KCNK5: variants seen among roughly 807,000 people sequenced by gnomAD.
The protein encoded by KCNK5 is potassium two pore domain channel subfamily K member 5, also known as potassium channel subfamily K member 5.
KCNK5 carries 18 observed loss-of-function variants against 32.9 expected under a neutral mutation model. That is an observed-to-expected ratio of 0.55 (90% CI 0.38 to 0.81). The LOEUF (loss-of-function observed/expected upper bound fraction) is 0.81, where lower values mean the gene tolerates loss of function less well. Ranked by LOEUF, KCNK5 falls within the 30% of genes least tolerant of loss-of-function variation. The pLI is 0.00. For missense variants in KCNK5, 507 were observed against 651.0 expected, an observed-to-expected ratio of 0.78 and a Z score of 2.41; for synonymous variants, 276 against 275.3, an observed-to-expected ratio of 1.00 and a Z score of -0.03.
In KCNK5 at chr6:39,228,932, G is replaced by GAT; in HGVS notation, c.178_179dup (p.Leu61SerfsTer2). 6.2e-7 allele frequency: 1 copy of GAT among 1,614,098 alleles called. No homozygotes were observed. The highest frequency in any genetic ancestry group is 8.5e-7 in the Non-Finnish European group (1 of 1,179,996). On this transcript the variant is annotated frameshift_variant, in exon 1 of 5. Coordinates refer to ENST00000359534, the MANE Select transcript of KCNK5 (RefSeq NM_003740.4). LOFTEE classifies it high-confidence loss of function. ...GGTACAGGCGGCGACTGACCTCTAG[G>GAT]ATCTTGTCCAGGCCCTCCTGACCCA...
chr6:39,208,007 A>C (rs558008435), intron 1 of KCNK5, among the ~76,000 whole-genome samples: 5 of 152,096 alleles, frequency 3.3e-5, no homozygotes, highest in African/African-American at 1.2e-4. Flanking sequence ...GCCTCTCAGA[A>C]TGCCCCTGAC....
At chr6:39,208,414 G>T (rs138245128) in intron 1 of KCNK5, among the ~76,000 whole-genome samples, 3 of 152,264 alleles carry the variant, frequency 2.0e-5, no homozygotes, top group African/African-American at 4.8e-5. Context: ...CGGCCTCTGA[G>T]CATGATCTTG....
intron 1 of KCNK5, among the ~76,000 whole-genome samples, chr6:39,198,546 T>C (rs1771068000): frequency 6.6e-6 from 1 of 152,208 alleles, no homozygotes; most frequent in Non-Finnish European, 1.5e-5. Context: ...TCTTATACTT[T>C]GGATTGGAAA....
Position 39,191,465 on chromosome 6 carries a change from C to G in KCNK5, c.925G>C (p.Gly309Arg). ...ETYNDLIKQI[G>R]KKAMKTSGGG... Reference sequence around the variant, plus strand: ...CCGCTTGTCTTCATGGCCTTCTTCCCGATCTGCTTGATGAGGTCGTTGTAG... The same window carrying G: ...CCGCTTGTCTTCATGGCCTTCTTCCGGATCTGCTTGATGAGGTCGTTGTAG... The change falls in exon 5 of 5, where the codon GGG becomes CGG. Residue 309 changes from glycine (G) to arginine (R), a missense_variant. Around this residue, in one of 6 missense-constraint regions of KCNK5, gnomAD observed 252 missense variants for 250.8 expected, o/e 1.00. Coordinates refer to ENST00000359534, the MANE Select transcript of KCNK5 (RefSeq NM_003740.4). This position sits in a 1 kb window ranked among gnomAD's most constrained non-coding sequence, Gnocchi z 5.8. The G allele has an allele frequency of 6.2e-7, 1 of 1,613,666 alleles. No homozygotes were observed. Among genetic ancestry groups the G allele is most frequent in the Non-Finnish European group, 8.5e-7 (1 of 1,180,014 alleles).
At position 39,191,411 on chromosome 6, in the gene KCNK5, G is replaced by A; in HGVS notation, c.979C>T (p.Leu327=). 6.2e-7 allele frequency: 1 copy of A among 1,613,264 alleles called. No individual in the cohort carries two copies. The highest frequency in any genetic ancestry group is 8.5e-7 in the Non-Finnish European group (1 of 1,179,978). ...GGGETGPGPG[L]GPQGGGLPAL... is the part of the protein sequence containing the mutation. Reference sequence around the variant, plus strand: ...GGGAGCCCACCGCCTTGAGGCCCCAGCCCTGGGCCCGGGCCCGTCTCCCCA... The same window carrying A: ...GGGAGCCCACCGCCTTGAGGCCCCAACCCTGGGCCCGGGCCCGTCTCCCCA... Residue 327 remains leucine (L), a synonymous_variant, in exon 5 of 5, where the codon CTG becomes TTG. Transcript: ENST00000359534. The surrounding 1 kb of genome is among the most constrained non-coding windows in gnomAD (Gnocchi z 5.8).
At chr6:39,215,347 G>A (rs1771413079) in intron 1 of KCNK5, among the ~76,000 whole-genome samples, 2 of 152,206 alleles carry the variant, frequency 1.3e-5, no homozygotes, top group Admixed American at 1.3e-4. Flanking sequence ...CAGGGATGCT[G>A]AGAAGAGAAG....
rs117591786 is a variant in KCNK5 at position 39,211,484 on chromosome 6, C to T, written c.187-15497G>A. Reference sequence around the variant, plus strand: ...AGAGCAGAAATGAAAGCTGACGAGGCGCAGAGGGAGGCCAGATGTGGCATT... The same window carrying T: ...AGAGCAGAAATGAAAGCTGACGAGGTGCAGAGGGAGGCCAGATGTGGCATT... On this transcript the variant is annotated intron_variant, in intron 1 of 4. Transcript: ENST00000359534. Among the ~76,000 whole-genome samples, 143 of 152,224 alleles carry T rather than the reference C, an allele frequency of 9.4e-4. 5 individuals carry two copies. In the East Asian group the frequency reaches 0.026, roughly 27 times the overall value.
rs780819243 is a variant in KCNK5 at position 39,194,777 on chromosome 6, T to C, written c.299-17A>G. 31 of 1,612,092 alleles carry C rather than the reference T, an allele frequency of 1.9e-5. No homozygotes were observed. The South Asian group carries it at 3.4e-4, about 18-fold the overall frequency. On this transcript the variant is annotated splice_polypyrimidine_tract_variant and intron_variant, in intron 2 of 4. Coordinates refer to ENST00000359534, the MANE Select transcript of KCNK5 (RefSeq NM_003740.4). This position sits in a 1 kb window ranked among gnomAD's most constrained non-coding sequence, Gnocchi z 4.7. ...TGCCATATCCTGAGGAAGGAGAGAG[T>C]GAGGCCAAGAACAGGAGGGGTGGTC... is the stretch of plus-strand genomic sequence containing the variant.
intron 1 of KCNK5, among the ~76,000 whole-genome samples, chr6:39,216,709 A>G (rs1771444307): frequency 6.6e-6 from 1 of 152,218 alleles, no homozygotes. Flanking sequence ...GACATGATGT[A>G]GGCCACGGCA....
At chr6:39,202,989 G>C (rs1771158111) in intron 1 of KCNK5, among the ~76,000 whole-genome samples, 1 of 152,154 alleles carries the variant, frequency 6.6e-6, no homozygotes, top group South Asian at 2.1e-4. Flanking sequence ...GTAAGCACTG[G>C]ATAAATGTAT....
chr6:39,214,809 AG>A (rs1249016927), intron 1 of KCNK5, among the ~76,000 whole-genome samples: 1 of 152,192 alleles, frequency 6.6e-6, no homozygotes, highest in Non-Finnish European at 1.5e-5. Context: ...CCAAGCCTAC[AG>A]GAACTTTTCT....
At chr6:39,213,668 G>T (rs1188486544) in intron 1 of KCNK5, among the ~76,000 whole-genome samples, 2 of 152,148 alleles carry the variant, frequency 1.3e-5, no homozygotes, top group East Asian at 3.8e-4. Context: ...CCGGCCTCAG[G>T]CAGCTTAGAG....
At chr6:39,200,226 G>C (rs907575606) in intron 1 of KCNK5, among the ~76,000 whole-genome samples, 2 of 152,296 alleles carry the variant, frequency 1.3e-5, no homozygotes, top group Admixed American at 1.3e-4. Context: ...ATTCACACGA[G>C]ACAATATTTT....
chr6:39,194,464 A>G lies in KCNK5; in HGVS notation c.466-127T>C, dbSNP rs1407357774. ...GGTACCCAGCCTGACCCGGGAGGGC[A>G]AGGAGCTCTGAAACTATCCTCTTGC... On this transcript the variant is annotated intron_variant, in intron 3 of 4. Transcript: ENST00000359534. The surrounding 1 kb of genome is among the most constrained non-coding windows in gnomAD (Gnocchi z 4.7). 1.4e-6 allele frequency: 2 copies of G among 1,420,090 alleles called. No homozygotes were observed. Among genetic ancestry groups the G allele is most frequent in the African/African-American group, 2.9e-5 (2 of 69,980 alleles). 88.0% of individuals were successfully genotyped at this position (1,420,090 alleles called of 1,614,324 possible). A position where few individuals can be genotyped will look rare whatever the true frequency, so the allele number is the denominator to read the frequency against.
chr6:39,223,041 C>A (rs540448161), intron 1 of KCNK5, among the ~76,000 whole-genome samples: 3 of 152,122 alleles, frequency 2.0e-5, no homozygotes, highest in African/African-American at 7.2e-5. Flanking sequence ...GTGTTTTTTG[C>A]GTTTAAAAAA....
intron 1 of KCNK5, among the ~76,000 whole-genome samples, chr6:39,202,141 A>C (rs1771142278): frequency 6.6e-6 from 1 of 152,218 alleles, no homozygotes; most frequent in Non-Finnish European, 1.5e-5. Flanking sequence ...CCTAGCACAC[A>C]GTAGCTATTC....
chr6:39,218,070 C>T lies in KCNK5; in HGVS notation c.186+10856G>A, dbSNP rs938304074. ...TCAAGAGCTTTTTTGACTTACAGGC[C>T]TTTTTTTTTTTTTTTTTTGAGATGG... On this transcript the variant is annotated intron_variant, in intron 1 of 4. Transcript: ENST00000359534. Among the ~76,000 whole-genome samples, 11 of 130,374 alleles carry T rather than the reference C, an allele frequency of 8.4e-5. No individual in the cohort carries two copies. In the East Asian group the frequency reaches 8.7e-4, roughly 10 times the overall value. The allele number at this position is 130,374 out of a possible 152,430, so 85.5% of individuals were successfully genotyped here. A position where few individuals can be genotyped will look rare whatever the true frequency, so the allele number is the denominator to read the frequency against.
intron 1 of KCNK5, among the ~76,000 whole-genome samples, chr6:39,203,228 C>G (rs1244898786): frequency 1.3e-5 from 2 of 152,226 alleles, no homozygotes. Flanking sequence ...CTTCCCATTT[C>G]CCCATTTTAA....
At chr6:39,197,237 G>A (rs1227028616) in intron 1 of KCNK5, among the ~76,000 whole-genome samples, 3 of 152,228 alleles carry the variant, frequency 2.0e-5, no homozygotes, top group Non-Finnish European at 4.4e-5. Context: ...CCTACCCAGA[G>A]CATGACTGAG....
Sources: allele counts gnomAD v4.1 joint callset (sites outside exome capture counted in the v4.1 genomes callset), GRCh38; gene constraint gnomAD v4.1.1; regional missense constraint gnomAD v4.1.1; non-coding constraint Gnocchi (gnomAD v3.1); transcripts MANE v1.5; gene names NCBI Gene and HGNC (gene_info 2026-07-23, HGNC 2026-07-21).